Variants in GRM5 observed in about 807,000 individuals in gnomAD.
The protein encoded by GRM5 is glutamate metabotropic receptor 5.
GRM5 carries 19 observed loss-of-function variants against 83.1 expected under a neutral mutation model. That is an observed-to-expected ratio of 0.23 (90% CI 0.16 to 0.34). The LOEUF (loss-of-function observed/expected upper bound fraction) is 0.34. GRM5 is among the 10% of genes least tolerant of loss of function. The pLI, the probability that GRM5 is intolerant of heterozygous loss-of-function variation, is 1.00. For synonymous variants in GRM5, 675 were observed against 633.6 expected (o/e 1.07, Z -0.98); for missense variants, 1,160 against 1,588.3 (o/e 0.73, Z 4.58).
chr11:88,613,596 C>T (rs1938387366), intron 4 of GRM5, among the ~76,000 whole-genome samples: 1 of 152,122 alleles, frequency 6.6e-6, no homozygotes, highest in South Asian at 2.1e-4. Context: ...AGATAGGTCT[C>T]CTGAAGTTAG....
intron 3 of GRM5, among the ~76,000 whole-genome samples, chr11:88,792,485 A>T (rs932356310): frequency 6.6e-6 from 1 of 152,116 alleles, no homozygotes; most frequent in African/African-American, 2.4e-5. Context: ...TGTGTTCAAA[A>T]AGCAAAACAT....
chr11:89,006,625 C>T (rs1260068490), intron 2 of GRM5, among the ~76,000 whole-genome samples: 1 of 152,206 alleles, frequency 6.6e-6, no homozygotes, highest in Non-Finnish European at 1.5e-5. Context: ...ATTTTCACGC[C>T]TTGCTTTCCT....
chr11:88,867,940 A>G (rs537183763), intron 2 of GRM5, among the ~76,000 whole-genome samples: 1 of 152,044 alleles, frequency 6.6e-6, no homozygotes, highest in South Asian at 2.1e-4. Context: ...CAGTCACAAA[A>G]AGTACCCAAA....
chr11:88,965,209 T>C (rs1938914541), intron 2 of GRM5, among the ~76,000 whole-genome samples: 2 of 152,186 alleles, frequency 1.3e-5, no homozygotes, highest in Admixed American at 1.3e-4. Flanking sequence ...TTATAAACTT[T>C]AGAAATTTAT....
intron 3 of GRM5, among the ~76,000 whole-genome samples, chr11:88,751,552 C>G (rs1942274743): frequency 6.6e-6 from 1 of 152,178 alleles, no homozygotes; most frequent in South Asian, 2.1e-4. Flanking sequence ...ACTATTTCTA[C>G]TGAAACTATT....
intron 2 of GRM5, among the ~76,000 whole-genome samples, chr11:89,038,004 A>G (rs1591068197): frequency 6.6e-6 from 1 of 152,276 alleles, no homozygotes; most frequent in African/African-American, 2.4e-5. Flanking sequence ...GTTGATATTT[A>G]TATTTTACTC....
chr11:88,920,500 T>C (rs1212458210), intron 2 of GRM5, among the ~76,000 whole-genome samples: 4 of 148,350 alleles, frequency 2.7e-5, no homozygotes, highest in East Asian at 2.0e-4. Context: ...GAGGAACTAA[T>C]ACAAATACTA....
chr11:89,040,479 G>A (rs1941503506), intron 2 of GRM5, among the ~76,000 whole-genome samples: 1 of 152,148 alleles, frequency 6.6e-6, no homozygotes, highest in African/African-American at 2.4e-5. Context: ...GGAGGCCAAG[G>A]CAGGTGGGAG....
intron 2 of GRM5, among the ~76,000 whole-genome samples, chr11:88,985,834 G>A (rs1200702070): frequency 6.6e-6 from 1 of 152,078 alleles, no homozygotes; most frequent in East Asian, 1.9e-4. Flanking sequence ...GAAAATCAGG[G>A]TAAGTTATCA....
chr11:88,743,837 A>G (rs1436000408), intron 3 of GRM5, among the ~76,000 whole-genome samples: 1 of 152,194 alleles, frequency 6.6e-6, no homozygotes, highest in Non-Finnish European at 1.5e-5. Flanking sequence ...ACTTCTAATT[A>G]GCTCTAGATG....
At chr11:88,665,737 T>G (rs1940025859) in intron 3 of GRM5, among the ~76,000 whole-genome samples, 1 of 151,908 alleles carries the variant, frequency 6.6e-6, no homozygotes, top group Non-Finnish European at 1.5e-5. Context: ...TTTCCTGTGA[T>G]AGATTAGGCA....
At chr11:89,020,736 T>A (rs1050508401) in intron 2 of GRM5, among the ~76,000 whole-genome samples, 3 of 152,316 alleles carry the variant, frequency 2.0e-5, no homozygotes, top group Non-Finnish European at 2.9e-5. Flanking sequence ...CATATTATTC[T>A]ATGTTAAAAA....
intron 3 of GRM5, among the ~76,000 whole-genome samples, chr11:88,771,286 A>G (rs776900193): frequency 3.9e-5 from 6 of 152,088 alleles, no homozygotes; most frequent in Non-Finnish European, 8.8e-5. Context: ...CACAAGGTAA[A>G]GTCCCACAAT....
chr11:88,884,485 G>A (rs1251966561), intron 2 of GRM5, among the ~76,000 whole-genome samples: 2 of 152,280 alleles, frequency 1.3e-5, no homozygotes, highest in South Asian at 2.1e-4. Context: ...TTGGACTGTG[G>A]GCTTTTTAGT....
At chr11:88,721,148 A>T (rs1017152357) in intron 3 of GRM5, among the ~76,000 whole-genome samples, 2 of 152,098 alleles carry the variant, frequency 1.3e-5, no homozygotes, top group Admixed American at 6.6e-5. Flanking sequence ...TACATGAGCG[A>T]ATACATGTAA....
At chr11:88,964,148 A>G (rs1469211102) in intron 2 of GRM5, among the ~76,000 whole-genome samples, 1 of 152,164 alleles carries the variant, frequency 6.6e-6, no homozygotes, top group Non-Finnish European at 1.5e-5. Flanking sequence ...AGGTTGAAAA[A>G]TAATAGTAGG....
chr11:88,879,405 G>A (rs1944913743), intron 2 of GRM5, among the ~76,000 whole-genome samples: 1 of 151,296 alleles, frequency 6.6e-6, no homozygotes, highest in Non-Finnish European at 1.5e-5. Flanking sequence ...CCATAAAAGA[G>A]CTTAAGTCTT....
intron 7 of GRM5, among the ~76,000 whole-genome samples, chr11:88,568,772 T>C (rs1193951971): frequency 6.6e-6 from 1 of 152,062 alleles, no homozygotes; most frequent in Non-Finnish European, 1.5e-5. Context: ...TGACCAACAC[T>C]AGTAAAGAAG....
At chr11:88,608,147 C>T (rs999467049) in intron 4 of GRM5, among the ~76,000 whole-genome samples, 2 of 152,184 alleles carry the variant, frequency 1.3e-5, no homozygotes, top group Non-Finnish European at 2.9e-5. Flanking sequence ...CACAATGAGT[C>T]CTAGGCTTCT....
Sources: gnomAD v4.1 joint callset for allele counts (sites outside exome capture counted in the v4.1 genomes callset) on GRCh38, gnomAD v4.1.1 for gene constraint, MANE v1.5 for transcripts, NCBI Gene and HGNC (gene_info 2026-07-23, HGNC 2026-07-21) for gene names.